EML6: variants seen among roughly 807,000 people sequenced by gnomAD.
EML6 encodes the protein EMAP like 6, also known as echinoderm microtubule-associated protein-like 6.
A neutral mutation model predicts 240.1 loss-of-function variants in EML6; 154 were observed. The ratio of observed to expected loss-of-function variants is 0.64; its 90% CI spans 0.56 to 0.73. The LOEUF is 0.73. EML6 is among the 30% of genes least tolerant of loss of function. The pLI is 0.00. For synonymous variants in EML6, 1,148 were observed against 899.0 expected (o/e 1.28, Z -4.95); for missense variants, 2,964 against 2,474.6 (o/e 1.20, Z -4.20).
intron 4 of EML6, among the ~76,000 whole-genome samples, chr2:54,819,462 C>A (rs985242931): frequency 6.6e-6 from 1 of 152,146 alleles, no homozygotes; most frequent in African/African-American, 2.4e-5. Context: ...TACGTGCAAA[C>A]TGTCTGGTAG....
chr2:54,928,528 C>G lies in EML6; in HGVS notation c.3877+14C>G. On this transcript the variant is annotated intron_variant, in intron 27 of 41. Coordinates refer to ENST00000356458, the MANE Select transcript of EML6 (RefSeq NM_001039753.4). Reference sequence around the variant, plus strand: ...AAGAGGATGGAGGTGAGCCCCCCACCTGCCACATGCCTCCTGCGCCGAATG... The same window carrying G: ...AAGAGGATGGAGGTGAGCCCCCCACGTGCCACATGCCTCCTGCGCCGAATG... 6.5e-7 allele frequency: 1 copy of G among 1,544,904 alleles called. No individual in the cohort carries two copies.
chr2:54,762,081 G>C (rs1322662509), intron 2 of EML6, among the ~76,000 whole-genome samples: 1 of 152,090 alleles, frequency 6.6e-6, no homozygotes, highest in Non-Finnish European at 1.5e-5. Flanking sequence ...TCTGGTATAA[G>C]ATCCAGCTCA....
At chr2:54,856,207 TA>T (rs1438123039) in intron 11 of EML6, among the ~76,000 whole-genome samples, 2 of 152,252 alleles carry the variant, frequency 1.3e-5, no homozygotes, top group Non-Finnish European at 2.9e-5. Context: ...TTAGGATCAA[TA>T]CTGACAGCTT....
At chr2:54,847,973 A>G (rs1669862137) in intron 9 of EML6, among the ~76,000 whole-genome samples, 1 of 152,256 alleles carries the variant, frequency 6.6e-6, no homozygotes, top group Non-Finnish European at 1.5e-5. Flanking sequence ...TACATGATAC[A>G]TTGTGTATGA....
At chr2:54,932,420 C>A (rs1674911136) in intron 28 of EML6, among the ~76,000 whole-genome samples, 1 of 152,178 alleles carries the variant, frequency 6.6e-6, no homozygotes, top group African/African-American at 2.4e-5. Flanking sequence ...CCCCACGCTG[C>A]CCTCCTTCAT....
intron 15 of EML6, among the ~76,000 whole-genome samples, chr2:54,870,101 G>C (rs1359425588): frequency 2.0e-5 from 3 of 152,086 alleles, no homozygotes; most frequent in Admixed American, 6.5e-5. Flanking sequence ...ACTTCAACTG[G>C]TATTAACTAA....
At chr2:54,747,389 A>G (rs543893936) in intron 2 of EML6, 1 of 152,316 alleles carries the variant, frequency 6.6e-6, no homozygotes, top group African/African-American at 2.4e-5. Flanking sequence ...CTTTCTGCAT[A>G]ATAAGGTAAA....
At chr2:54,909,691 A>G (rs1204258946) in intron 24 of EML6, among the ~76,000 whole-genome samples, 1 of 152,060 alleles carries the variant, frequency 6.6e-6, no homozygotes, top group African/African-American at 2.4e-5. Context: ...ACTAAAAAAT[A>G]GAATTAGCCA....
chr2:54,729,215 A>G (rs2104369103), intron 2 of EML6, among the ~76,000 whole-genome samples: 1 of 152,346 alleles, frequency 6.6e-6, no homozygotes, highest in East Asian at 1.9e-4. Context: ...TCCTGTTTGC[A>G]TCTGCATCCT....
intron 18 of EML6, 98 bp downstream of exon 18, chr2:54,891,252 G>A: frequency 1.7e-6 from 1 of 574,880 alleles, no homozygotes; most frequent in South Asian, 3.4e-5. Flanking sequence ...GCTTGTCTCT[G>A]CAATCTAAAA....
At chr2:54,894,619 G>T (rs1246414804) in intron 19 of EML6, among the ~76,000 whole-genome samples, 1 of 151,668 alleles carries the variant, frequency 6.6e-6, no homozygotes, top group East Asian at 1.9e-4. Context: ...ATTCTGGTTG[G>T]GAGACTGGGC....
chr2:54,849,927 A>G (rs1307245892), intron 9 of EML6, 35 bp from the exon 10 acceptor site: 2 of 1,525,826 alleles, frequency 1.3e-6, no homozygotes, highest in African/African-American at 2.8e-5. Flanking sequence ...TATTTGTAGA[A>G]TTGCTGCTTA....
At chr2:54,927,974 CAGG>C (rs1325405616) in intron 26 of EML6, among the ~76,000 whole-genome samples, 4 of 152,190 alleles carry the variant, frequency 2.6e-5, no homozygotes, top group Non-Finnish European at 5.9e-5. Context: ...GACTCACAGT[CAGG>C]AGTTTACACT....
At chr2:54,921,459 C>T (rs1395884017) in intron 26 of EML6, among the ~76,000 whole-genome samples, 1 of 152,226 alleles carries the variant, frequency 6.6e-6, no homozygotes, top group Non-Finnish European at 1.5e-5. Flanking sequence ...ATCCTGTGTT[C>T]ATGGAGTGGA....
intron 13 of EML6, among the ~76,000 whole-genome samples, chr2:54,864,659 T>TAA: frequency 6.6e-6 from 1 of 152,276 alleles, no homozygotes; most frequent in African/African-American, 2.4e-5. Context: ...GTGTCGCCAA[T>TAA]AGAGATTTAA....
At chr2:54,892,138 T>C (rs895471426) in intron 18 of EML6, among the ~76,000 whole-genome samples, 5 of 152,190 alleles carry the variant, frequency 3.3e-5, no homozygotes, top group African/African-American at 1.2e-4. Flanking sequence ...ACGCATGTCT[T>C]GGACTGAGAT....
chr2:54,854,632 A>AG (rs2103784063), intron 11 of EML6, among the ~76,000 whole-genome samples: 1 of 152,360 alleles, frequency 6.6e-6, no homozygotes, highest in Non-Finnish European at 1.5e-5. Context: ...AGACTAAGCA[A>AG]GGAAAGGGAT....
chr2:54,925,823 C>T (rs948741305), intron 26 of EML6, among the ~76,000 whole-genome samples: 2 of 152,180 alleles, frequency 1.3e-5, no homozygotes, highest in African/African-American at 4.8e-5. Flanking sequence ...CCCATAGCCT[C>T]CCTTCCCTTC....
At chr2:54,952,192 C>T (rs981492541) in intron 30 of EML6, among the ~76,000 whole-genome samples, 1 of 152,170 alleles carries the variant, frequency 6.6e-6, no homozygotes, top group South Asian at 2.1e-4. Flanking sequence ...GCATCATCTC[C>T]AGGCCTCCAC....
Sources: gnomAD v4.1 joint callset for allele counts (sites outside exome capture counted in the v4.1 genomes callset) on GRCh38, gnomAD v4.1.1 for gene constraint, MANE v1.5 for transcripts, NCBI Gene and HGNC (gene_info 2026-07-23, HGNC 2026-07-21) for gene names.